PARD3: variants seen among roughly 807,000 people sequenced by gnomAD.
PARD3 encodes par-3 family cell polarity regulator, also known as partitioning defective 3 homolog.
A neutral mutation model predicts 155.4 loss-of-function variants in PARD3; 75 were observed. That is an observed-to-expected ratio of 0.48 (90% CI 0.40 to 0.58). The LOEUF (loss-of-function observed/expected upper bound fraction) is 0.58. Among genes scored for constraint, PARD3 ranks in the 20% least tolerant of loss-of-function variants. The probability of loss-of-function intolerance (pLI) is 0.00; values close to 1 mark genes in which losing one functional copy is unlikely to be tolerated. For missense variants in PARD3, 1,642 were observed against 1,721.7 expected, an observed-to-expected ratio of 0.95 and a Z score of 0.82; for synonymous variants, 576 against 610.5, an observed-to-expected ratio of 0.94 and a Z score of 0.83.
At chr10:34,788,911 C>T (rs1420188516) in intron 1 of PARD3, among the ~76,000 whole-genome samples, 4 of 152,112 alleles carry the variant, frequency 2.6e-5, no homozygotes, top group African/African-American at 9.7e-5. Flanking sequence ...ACTGGCACAC[C>T]CCATCTGGAA....
At chr10:34,604,761 T>C (rs955417082) in intron 2 of PARD3, among the ~76,000 whole-genome samples, 5 of 151,854 alleles carry the variant, frequency 3.3e-5, no homozygotes, top group African/African-American at 9.7e-5. Flanking sequence ...AATCTCGCTA[T>C]ACCGTCTACT....
chr10:34,559,589 A>C (rs2085298666), intron 2 of PARD3, among the ~76,000 whole-genome samples: 2 of 152,240 alleles, frequency 1.3e-5, no homozygotes, highest in African/African-American at 4.8e-5. Flanking sequence ...ACAAAAGAGA[A>C]AACAAGATTG....
At chr10:34,556,209 A>G (rs184709112) in intron 2 of PARD3, among the ~76,000 whole-genome samples, 1 of 152,322 alleles carries the variant, frequency 6.6e-6, no homozygotes, top group East Asian at 1.9e-4. Flanking sequence ...GAGGTTATGA[A>G]GAACCCGGTA....
chr10:34,554,896 G>A (rs1296091906), intron 2 of PARD3, among the ~76,000 whole-genome samples: 1 of 152,188 alleles, frequency 6.6e-6, no homozygotes, highest in African/African-American at 2.4e-5. Context: ...TGAGATGACA[G>A]AGTCTAGCAT....
chr10:34,329,083 A>G (rs1213635382), intron 19 of PARD3, among the ~76,000 whole-genome samples: 2 of 152,226 alleles, frequency 1.3e-5, no homozygotes, highest in East Asian at 3.9e-4. Flanking sequence ...CAGATACATG[A>G]ATGAACTTTA....
Position 34,694,154 on chromosome 10 carries a change from G to GA in PARD3, c.222+2163dup, listed in dbSNP as rs565930938. Among the ~76,000 whole-genome samples, 75 of 120,310 alleles carry GA rather than the reference G, an allele frequency of 6.2e-4. No individual in the cohort carries two copies. The East Asian group carries it at 0.011, about 17-fold the overall frequency. 78.9% of individuals were successfully genotyped at this position (120,310 alleles called of 152,430 possible). A position where few individuals can be genotyped will look rare whatever the true frequency, so the allele number is the denominator to read the frequency against. The stretch of plus-strand genomic sequence containing the variant: ...GAGAGACTGAGAAAGAGAGGGAGAA[G>GA]AAAAAAAAAAAGAAACAAAAAAAAG... On this transcript the variant is annotated intron_variant, in intron 2 of 24. Transcript: ENST00000374788.
chr10:34,357,477 A>G (rs1839006748), intron 14 of PARD3, among the ~76,000 whole-genome samples: 1 of 152,198 alleles, frequency 6.6e-6, no homozygotes, highest in Admixed American at 6.5e-5. Flanking sequence ...GGCCAAAATA[A>G]AAAGGCCTAA....
intron 12 of PARD3, among the ~76,000 whole-genome samples, chr10:34,369,680 T>G (rs1453037917): frequency 6.6e-6 from 1 of 152,186 alleles, no homozygotes; most frequent in African/African-American, 2.4e-5. Context: ...GAATCATAAC[T>G]GTATGCACAG....
chr10:34,792,326 G>A (rs560227093), intron 1 of PARD3, among the ~76,000 whole-genome samples: 9 of 152,128 alleles, frequency 5.9e-5, no homozygotes, highest in East Asian at 1.9e-4. Flanking sequence ...CTCAAGCGAC[G>A]CGCCTGCCTC....
intron 22 of PARD3, among the ~76,000 whole-genome samples, chr10:34,158,421 C>T (rs552110879): frequency 1.0e-3 from 155 of 152,286 alleles, no homozygotes; most frequent in African/African-American, 3.5e-3. Context: ...GTTTGATTCA[C>T]GATTCTTTTC....
At chr10:34,370,374 G>A (rs1589336462) in intron 12 of PARD3, among the ~76,000 whole-genome samples, 1 of 152,110 alleles carries the variant, frequency 6.6e-6, no homozygotes, top group East Asian at 1.9e-4. Context: ...CTTTCCCTCT[G>A]GTGACTGAGG....
At chr10:34,681,733 TA>T (rs2093828160) in intron 2 of PARD3, among the ~76,000 whole-genome samples, 304 of 14,514 alleles carry the variant, frequency 0.021, 5 homozygotes, top group South Asian at 0.087. Context: ...ATGTATTTTA[TA>T]TATATATATA....
intron 1 of PARD3, among the ~76,000 whole-genome samples, chr10:34,760,482 C>T (rs1301675196): frequency 6.6e-6 from 1 of 152,146 alleles, no homozygotes; most frequent in African/African-American, 2.4e-5. Flanking sequence ...CAGGCACCTG[C>T]CACCATGCCC....
At chr10:34,182,029 T>C (rs954120523) in intron 22 of PARD3, among the ~76,000 whole-genome samples, 2 of 152,224 alleles carry the variant, frequency 1.3e-5, no homozygotes, top group Non-Finnish European at 2.9e-5. Context: ...CACTGCTCTC[T>C]TTCTGAGTCT....
Position 34,372,481 on chromosome 10 carries a change from A to G in PARD3, c.1707+17T>C. ...CTTTCCAACATCTCTGCATCCTTCA[A>G]AAGACAAAGCTCTTACCGTTTCTTT... On this transcript the variant is annotated intron_variant, in intron 12 of 24. Transcript: ENST00000374788. 1.9e-6 allele frequency: 3 copies of G among 1,597,064 alleles called. No homozygotes were observed. Among genetic ancestry groups the G allele is most frequent in the Non-Finnish European group, 1.7e-6 (2 of 1,164,834 alleles).
At chr10:34,186,241 T>C (rs1950488991) in intron 22 of PARD3, among the ~76,000 whole-genome samples, 1 of 151,290 alleles carries the variant, frequency 6.6e-6, no homozygotes, top group South Asian at 2.1e-4. Flanking sequence ...ACGCCTGTAA[T>C]CCCAGCACTC....
intron 5 of PARD3, among the ~76,000 whole-genome samples, chr10:34,413,138 T>TACAC (rs879785568): frequency 0.027 from 2,569 of 93,446 alleles, 76 homozygotes; most frequent in African/African-American, 0.13. Context: ...GTACTTCAGA[T>TACAC]ATATATACAC....
At chr10:34,294,371 C>T (rs980746541) in intron 20 of PARD3, among the ~76,000 whole-genome samples, 1 of 152,136 alleles carries the variant, frequency 6.6e-6, no homozygotes, top group Non-Finnish European at 1.5e-5. Flanking sequence ...ATAGAGCAGA[C>T]GAAAGTCACA....
chr10:34,670,106 G>A (rs1159799655), intron 2 of PARD3, among the ~76,000 whole-genome samples: 1 of 152,232 alleles, frequency 6.6e-6, no homozygotes, highest in Admixed American at 6.5e-5. Flanking sequence ...CCCCAAAGCA[G>A]GTGGCTTATC....
Sources: gnomAD v4.1 joint callset for allele counts (sites outside exome capture counted in the v4.1 genomes callset) on GRCh38, gnomAD v4.1.1 for gene constraint, MANE v1.5 for transcripts, NCBI Gene and HGNC (gene_info 2026-07-23, HGNC 2026-07-21) for gene names.